The following DPP6 variants were observed in gnomAD, a reference collection of about 807,000 sequenced individuals.
DPP6 encodes the protein A-type potassium channel modulatory protein DPP6.
DPP6 carries 69 observed loss-of-function variants against 122.6 expected under a neutral mutation model. That is an observed-to-expected ratio of 0.56 (90% CI 0.46 to 0.69). The LOEUF (loss-of-function observed/expected upper bound fraction) is 0.69. DPP6 is among the 30% of genes least tolerant of loss of function. The pLI is 0.00. For missense variants in DPP6, 928 were observed against 1,116.9 expected, an observed-to-expected ratio of 0.83 and a Z score of 2.41; for synonymous variants, 418 against 433.1, an observed-to-expected ratio of 0.97 and a Z score of 0.43.
intron 1 of DPP6, among the ~76,000 whole-genome samples, chr7:153,890,283 A>G (rs1157421216): frequency 1.3e-5 from 2 of 152,246 alleles, no homozygotes; most frequent in Non-Finnish European, 2.9e-5. Flanking sequence ...GAGGTTTGAT[A>G]TTTAAAAAAG....
chr7:154,576,600 T>A (rs1029065055), intron 5 of DPP6, among the ~76,000 whole-genome samples: 3 of 152,110 alleles, frequency 2.0e-5, no homozygotes, highest in Admixed American at 6.6e-5. Context: ...CGGTCACTTG[T>A]TGAGAGTGAT....
the DPP6 span, among the ~76,000 whole-genome samples, chr7:153,774,471 A>C: frequency 6.6e-6 from 1 of 152,206 alleles, no homozygotes; most frequent in African/African-American, 2.4e-5. Context: ...TGAGGAACTG[A>C]CAATAAAATT....
At chr7:154,738,552 C>T (rs933728247) in intron 8 of DPP6, among the ~76,000 whole-genome samples, 3 of 152,152 alleles carry the variant, frequency 2.0e-5, no homozygotes, top group African/African-American at 4.8e-5. Context: ...AATATTCTTC[C>T]GACCTTTCTT....
chr7:154,292,234 A>C (rs778149429), intron 1 of DPP6, among the ~76,000 whole-genome samples: 1 of 152,088 alleles, frequency 6.6e-6, no homozygotes, highest in Non-Finnish European at 1.5e-5. Context: ...CGATTAGGCA[A>C]GGAAAATATA....
chr7:153,797,895 G>A, the DPP6 span, among the ~76,000 whole-genome samples: 10 of 151,914 alleles, frequency 6.6e-5, no homozygotes, highest in East Asian at 1.9e-4. Context: ...AAGCTGGAGT[G>A]CGGTGGCGAG....
chr7:154,489,660 T>C (rs956285495), intron 3 of DPP6, among the ~76,000 whole-genome samples: 2 of 152,014 alleles, frequency 1.3e-5, no homozygotes, highest in African/African-American at 4.8e-5. Context: ...GATCTTCTGT[T>C]CTCTCTCAAG....
At chr7:154,176,826 A>G (rs1443479705) in intron 1 of DPP6, among the ~76,000 whole-genome samples, 1 of 152,034 alleles carries the variant, frequency 6.6e-6, no homozygotes, top group East Asian at 1.9e-4. Flanking sequence ...GTCAGTGGAA[A>G]TCATTTTTTT....
upstream of DPP6, among the ~76,000 whole-genome samples, chr7:153,886,843 C>T (rs1168284897): frequency 1.3e-5 from 2 of 152,182 alleles, no homozygotes; most frequent in African/African-American, 4.8e-5. Flanking sequence ...TCTGGCTCTT[C>T]CCGGCCTCTC....
At chr7:153,930,201 G>T (rs1259375614) in intron 1 of DPP6, among the ~76,000 whole-genome samples, 1 of 152,210 alleles carries the variant, frequency 6.6e-6, no homozygotes, top group African/African-American at 2.4e-5. Context: ...AAGACACAGA[G>T]TACAGAAGAC....
chr7:153,831,677 C>T, the DPP6 span, among the ~76,000 whole-genome samples: 2 of 152,084 alleles, frequency 1.3e-5, no homozygotes, highest in African/African-American at 4.8e-5. Flanking sequence ...TTTTGTGTCA[C>T]AAAATAATGT....
intron 21 of DPP6, chr7:154,883,894 CACATTA>C (rs1805765366): frequency 8.1e-6 from 1 of 123,140 alleles, no homozygotes; most frequent in African/African-American, 3.1e-5. Flanking sequence ...CATGCTCACA[CACATTA>C]CATACACATG....
intron 4 of DPP6, 118 bp from the exon 5 acceptor site, chr7:154,566,724 A>G: frequency 1.6e-6 from 1 of 632,774 alleles, no homozygotes; most frequent in Non-Finnish European, 2.8e-6. Context: ...AAGAAAGGAT[A>G]TAGCCATTTT....
At chr7:154,371,152 C>A (rs530878963) in intron 1 of DPP6, among the ~76,000 whole-genome samples, 2 of 151,856 alleles carry the variant, frequency 1.3e-5, no homozygotes, top group African/African-American at 4.8e-5. Context: ...CTGAGGTGGG[C>A]GGATCGCTTG....
At chr7:154,045,826 A>G (rs1348450369) in intron 1 of DPP6, among the ~76,000 whole-genome samples, 2 of 152,232 alleles carry the variant, frequency 1.3e-5, no homozygotes, top group Non-Finnish European at 2.9e-5. Context: ...GATCATCTGC[A>G]TGAAAGCAAG....
In DPP6 at chr7:154,794,096, T is replaced by C. The variant is rs369128533; in HGVS notation, c.1154T>C (p.Met385Thr). ...GTTTCCAGGGAGTACTACATCACCA[T>C]GGTGAAGTGGGCCACCAGCACCAAG... is the stretch of plus-strand genomic sequence containing the variant. Reference protein sequence around the residue: ...DPRMREYYITMVKWATSTKVA... With the variant: ...DPRMREYYITTVKWATSTKVA... The change falls in exon 11 of 26, where the codon ATG (methionine) becomes ACG (threonine). Residue 385 changes from methionine (M) to threonine (T), a missense_variant. By Grantham distance (81) the Met-to-Thr change is moderately conservative. Transcript: ENST00000377770. 8.7e-6 allele frequency: 14 copies of C among 1,613,540 alleles called. No homozygotes were observed. The highest frequency in any genetic ancestry group is 1.1e-5 in the Non-Finnish European group (13 of 1,179,734).
At chr7:154,468,036 A>T (rs1236592408) in intron 2 of DPP6, among the ~76,000 whole-genome samples, 1 of 152,216 alleles carries the variant, frequency 6.6e-6, no homozygotes, top group Non-Finnish European at 1.5e-5. Context: ...AAAGTGACAC[A>T]TTTCTCCAAA....
At chr7:154,582,656 C>T (rs1411539529) in intron 5 of DPP6, among the ~76,000 whole-genome samples, 2 of 152,198 alleles carry the variant, frequency 1.3e-5, no homozygotes, top group Non-Finnish European at 2.9e-5. Flanking sequence ...TTTCAGGTTG[C>T]TCAGATCTCT....
chr7:153,885,629 T>C (rs1435948866), upstream of DPP6, among the ~76,000 whole-genome samples: 1 of 152,138 alleles, frequency 6.6e-6, no homozygotes, highest in Non-Finnish European at 1.5e-5. Context: ...CCCACGCATT[T>C]TACACTATTT....
At chr7:154,264,539 T>C (rs1404669084) in intron 1 of DPP6, among the ~76,000 whole-genome samples, 6 of 152,126 alleles carry the variant, frequency 3.9e-5, no homozygotes, top group Non-Finnish European at 5.9e-5. Flanking sequence ...AAGATGAAAA[T>C]TGTATTATCA....
Sources: gnomAD v4.1 joint callset for allele counts (sites outside exome capture counted in the v4.1 genomes callset) on GRCh38, gnomAD v4.1.1 for gene constraint, MANE v1.5 for transcripts, NCBI Gene and HGNC (gene_info 2026-07-23, HGNC 2026-07-21) for gene names.